ST6GALNAC3: variants seen among roughly 807,000 people sequenced by gnomAD.
ST6GALNAC3 encodes ST6 N-acetylgalactosaminide alpha-2,6-sialyltransferase 3.
A neutral mutation model predicts 32.7 loss-of-function variants in ST6GALNAC3; 25 were observed. That is an observed-to-expected ratio of 0.76 (90% CI 0.56 to 1.07). ST6GALNAC3 has a LOEUF of 1.07. ST6GALNAC3 is among the 50% of genes least tolerant of loss of function. The probability of loss-of-function intolerance (pLI) is 0.00; values close to 1 mark genes in which losing one functional copy is unlikely to be tolerated. For missense variants in ST6GALNAC3, 355 were observed against 382.4 expected (o/e 0.93, Z 0.60); for synonymous variants, 129 against 133.1 (o/e 0.97, Z 0.21).
At chr1:76,438,103 T>C (rs529866309) in intron 3 of ST6GALNAC3, among the ~76,000 whole-genome samples, 1 of 152,154 alleles carries the variant, frequency 6.6e-6, no homozygotes, top group South Asian at 2.1e-4. Flanking sequence ...ATGATCGATC[T>C]TCTACATTTT....
intron 3 of ST6GALNAC3, among the ~76,000 whole-genome samples, chr1:76,614,718 C>CAAAAAAAAAAAAAAAAAAAA (rs55744575): frequency 3.0e-5 from 2 of 67,522 alleles, no homozygotes; most frequent in African/African-American, 6.8e-5. Flanking sequence ...GACTCCATCT[C>CAAAAAAAAAAAAAAAAAAAA]AAAAAAAAAA....
intron 1 of ST6GALNAC3, among the ~76,000 whole-genome samples, chr1:76,203,523 T>TATTA (rs33923670): frequency 0.74 from 112,985 of 151,736 alleles, 42,960 homozygotes; most frequent in East Asian, 0.95. Context: ...GTGACTTGTG[T>TATTA]ATTTTTTTTG....
chr1:76,283,107 C>T (rs1659591286), intron 1 of ST6GALNAC3, among the ~76,000 whole-genome samples: 1 of 152,066 alleles, frequency 6.6e-6, no homozygotes. Flanking sequence ...CGCCCCCATC[C>T]CTCAGTGACC....
chr1:76,091,365 C>A (rs10493582), intron 1 of ST6GALNAC3, among the ~76,000 whole-genome samples: 29 of 152,260 alleles, frequency 1.9e-4, no homozygotes, highest in African/African-American at 7.0e-4. Flanking sequence ...CTTTCTCATG[C>A]GGATGAACAG....
chr1:76,442,084 G>A (rs1388192771), intron 3 of ST6GALNAC3, among the ~76,000 whole-genome samples: 1 of 152,220 alleles, frequency 6.6e-6, no homozygotes, highest in African/African-American at 2.4e-5. Context: ...AAACATATGA[G>A]AGGCTGAGAC....
At chr1:76,111,968 G>A (rs934182513) in intron 1 of ST6GALNAC3, among the ~76,000 whole-genome samples, 1 of 152,182 alleles carries the variant, frequency 6.6e-6, no homozygotes, top group Admixed American at 6.5e-5. Context: ...CCTCCCAGAC[G>A]GGGTGGTGGC....
intron 1 of ST6GALNAC3, among the ~76,000 whole-genome samples, chr1:76,216,669 C>T (rs1054047642): frequency 1.3e-5 from 2 of 152,208 alleles, no homozygotes; most frequent in African/African-American, 4.8e-5. Flanking sequence ...AAACTTTATT[C>T]ATTGGTCAGC....
chr1:76,611,576 T>G (rs341027), intron 3 of ST6GALNAC3, among the ~76,000 whole-genome samples: 20,955 of 152,182 alleles, frequency 0.14, 2,211 homozygotes, highest in African/African-American at 0.3. Flanking sequence ...CACATTCATC[T>G]AAGTGAATTG....
intron 2 of ST6GALNAC3, among the ~76,000 whole-genome samples, chr1:76,343,124 G>T (rs1326295014): frequency 6.6e-6 from 1 of 151,946 alleles, no homozygotes; most frequent in Non-Finnish European, 1.5e-5. Flanking sequence ...TTGCTTTGGG[G>T]ATCTTCATCA....
intron 3 of ST6GALNAC3, among the ~76,000 whole-genome samples, chr1:76,522,785 A>G (rs540932786): frequency 7.2e-5 from 11 of 152,314 alleles, no homozygotes; most frequent in African/African-American, 2.6e-4. Context: ...TGATCAGATT[A>G]ATTTACACCT....
chr1:76,469,210 A>T (rs1449915683), intron 3 of ST6GALNAC3, among the ~76,000 whole-genome samples: 1 of 151,972 alleles, frequency 6.6e-6, no homozygotes, highest in Non-Finnish European at 1.5e-5. Context: ...CTTTTTCCCT[A>T]ATTATTTATT....
At chr1:76,347,398 G>C (rs1470517764) in intron 2 of ST6GALNAC3, among the ~76,000 whole-genome samples, 2 of 151,746 alleles carry the variant, frequency 1.3e-5, no homozygotes, top group African/African-American at 4.8e-5. Flanking sequence ...TCAGTTTCTT[G>C]CATTCTCCTT....
intron 1 of ST6GALNAC3, among the ~76,000 whole-genome samples, chr1:76,205,042 C>T (rs481884): frequency 2.0e-5 from 3 of 152,150 alleles, no homozygotes; most frequent in Non-Finnish European, 4.4e-5. Flanking sequence ...TCATTTGCTT[C>T]CTGAACTGTG....
rs185150137 is a variant in ST6GALNAC3, at chr1:76,497,470, C to G, written c.623+85053C>G. On this transcript the variant is annotated intron_variant, in intron 3 of 4. Coordinates refer to ENST00000328299, the MANE Select transcript of ST6GALNAC3 (RefSeq NM_152996.4). ...TTCCAGAATGTGAAGAAATTAGCTG[C>G]AAGAATGTGAAACTAAACAGTGGAT... Among the ~76,000 whole-genome samples the G allele has an allele frequency of 2.8e-3, 421 of 152,236 alleles. 2 individuals are homozygous for G. The highest frequency in any genetic ancestry group is 5.2e-3 in the Non-Finnish European group (355 of 68,016).
intron 3 of ST6GALNAC3, among the ~76,000 whole-genome samples, chr1:76,593,841 T>C (rs1033037740): frequency 6.6e-6 from 1 of 152,162 alleles, no homozygotes; most frequent in African/African-American, 2.4e-5. Flanking sequence ...TTCAGTATGA[T>C]GTAAGAAGCA....
chr1:76,363,930 T>C (rs1244227187), intron 2 of ST6GALNAC3, among the ~76,000 whole-genome samples: 1 of 152,082 alleles, frequency 6.6e-6, no homozygotes, highest in Non-Finnish European at 1.5e-5. Context: ...CATGATAATC[T>C]TCCCTCATGA....
chr1:76,447,528 C>T (rs1657065987), intron 3 of ST6GALNAC3, among the ~76,000 whole-genome samples: 1 of 152,170 alleles, frequency 6.6e-6, no homozygotes, highest in South Asian at 2.1e-4. Flanking sequence ...GGGAAAATGT[C>T]TCCAGGGCTT....
chr1:76,489,758 G>T (rs981675393), intron 3 of ST6GALNAC3, among the ~76,000 whole-genome samples: 9 of 152,248 alleles, frequency 5.9e-5, no homozygotes, highest in Non-Finnish European at 1.2e-4. Context: ...GATCTGCCCA[G>T]CTCAGGGCTG....
chr1:76,348,408 C>G (rs574897719), intron 2 of ST6GALNAC3, among the ~76,000 whole-genome samples: 13 of 152,238 alleles, frequency 8.5e-5, no homozygotes, highest in African/African-American at 2.2e-4. Flanking sequence ...GGCAGCTGAG[C>G]AGAGGTTGGC....
Sources: allele counts gnomAD v4.1 joint callset (sites outside exome capture counted in the v4.1 genomes callset), GRCh38; gene constraint gnomAD v4.1.1; transcripts MANE v1.5; gene names NCBI Gene and HGNC (gene_info 2026-07-23, HGNC 2026-07-21).